Variants in MAP3K2 observed in about 807,000 individuals in gnomAD.
MAP3K2 encodes the protein mitogen-activated protein kinase kinase kinase 2, also known as MAP/ERK kinase kinase 2.
In MAP3K2, 24 loss-of-function variants were observed where a neutral mutation model predicts 80.3. The observed-to-expected ratio is 0.30, with a 90% confidence interval of 0.22 to 0.42. The LOEUF (loss-of-function observed/expected upper bound fraction) is 0.42. Among genes scored for constraint, MAP3K2 ranks in the 10% least tolerant of loss-of-function variants. MAP3K2 has a pLI of 1.00. For missense variants in MAP3K2, 608 were observed against 750.1 expected, an observed-to-expected ratio of 0.81 and a Z score of 2.21; for synonymous variants, 244 against 253.7, an observed-to-expected ratio of 0.96 and a Z score of 0.36.
intron 5 of MAP3K2, among the ~76,000 whole-genome samples, chr2:127,335,360 C>T (rs983663718): frequency 2.0e-5 from 3 of 152,156 alleles, no homozygotes; most frequent in African/African-American, 7.2e-5. Flanking sequence ...GAATCCAATC[C>T]TAAGTTTACA....
At chr2:127,337,060 T>C (rs1176809849) in intron 4 of MAP3K2, among the ~76,000 whole-genome samples, 2 of 152,080 alleles carry the variant, frequency 1.3e-5, no homozygotes, top group Non-Finnish European at 2.9e-5. Flanking sequence ...GAGAATTGCT[T>C]GAACCCGGGA....
At chr2:127,344,031 T>C (rs1344346583) in intron 1 of MAP3K2, among the ~76,000 whole-genome samples, 3 of 152,014 alleles carry the variant, frequency 2.0e-5, no homozygotes, top group Admixed American at 6.6e-5. Context: ...AGTGTTTGTA[T>C]ACCATTGCAA....
In MAP3K2 at chr2:127,322,884, C is replaced by T. The variant is rs188051221; in HGVS notation, c.839-632G>A. 4.0e-5 allele frequency among the ~76,000 whole-genome samples: 6 copies of T among 151,670 alleles called. No homozygotes were observed. Among genetic ancestry groups the T allele is most frequent in the African/African-American group, 1.4e-4 (6 of 41,424 alleles). On this transcript the variant is annotated intron_variant, in intron 11 of 16. Coordinates refer to ENST00000682094, the MANE Select transcript of MAP3K2 (RefSeq NM_001371910.2). This position sits in a 1 kb window ranked among gnomAD's most constrained non-coding sequence, Gnocchi z 4.2. Reference sequence around the variant, plus strand: ...TGCTGGGATTACAGGCATGAGCCACCGCACCTGGCCAGTAATTTTTTTTCT... The same window carrying T: ...TGCTGGGATTACAGGCATGAGCCACTGCACCTGGCCAGTAATTTTTTTTCT...
intron 15 of MAP3K2, among the ~76,000 whole-genome samples, chr2:127,311,574 G>A (rs1320141385): frequency 6.6e-6 from 1 of 152,050 alleles, no homozygotes; most frequent in African/African-American, 2.4e-5. Context: ...AGCAGCATGC[G>A]CAGCCATCAC....
In MAP3K2 at chr2:127,350,454, CAAAAA is replaced by C. The variant is rs752516255; in HGVS notation, c.-65-7265_-65-7261del. 7.3e-4 allele frequency among the ~76,000 whole-genome samples: 73 copies of C among 99,404 alleles called. 2 individuals are homozygous for C. The East Asian group carries it at 0.013, about 17-fold the overall frequency. 65.2% of individuals were successfully genotyped at this position (99,404 alleles called of 152,430 possible). A position where few individuals can be genotyped will look rare whatever the true frequency, so the allele number is the denominator to read the frequency against. On this transcript the variant is annotated intron_variant, in intron 1 of 16. Coordinates refer to ENST00000682094, the MANE Select transcript of MAP3K2 (RefSeq NM_001371910.2). Reference sequence around the variant, plus strand: ...CCATCTCCTGAAACAAAAACAAAAACAAAAAAAAAAAAAAAAAGAAAGAAGAAAAC... The same window carrying C: ...CCATCTCCTGAAACAAAAACAAAAACAAAAAAAAAAAAGAAAGAAGAAAAC...
chr2:127,360,598 CAA>C (rs1270210485), intron 1 of MAP3K2, among the ~76,000 whole-genome samples: 4 of 152,126 alleles, frequency 2.6e-5, no homozygotes, highest in Non-Finnish European at 4.4e-5. Flanking sequence ...TTAATTATCT[CAA>C]GTTATTTTAC....
Position 127,326,668 on chromosome 2 carries a change from A to G in MAP3K2, c.597+19T>C, listed in dbSNP as rs1232724439. 13 of 1,526,942 alleles carry G rather than the reference A, an allele frequency of 8.5e-6. No homozygotes were observed. The highest frequency in any genetic ancestry group is 1.1e-5 in the Non-Finnish European group (13 of 1,137,262). 94.6% of individuals were successfully genotyped at this position (1,526,942 alleles called of 1,614,324 possible). A position where few individuals can be genotyped will look rare whatever the true frequency, so the allele number is the denominator to read the frequency against. ...AACATCTCTTTAAATTAAATTTAAA[A>G]AATCAAACTTTTGCTTACTTGGTCC... On this transcript the variant is annotated intron_variant, in intron 8 of 16. Coordinates refer to ENST00000682094, the MANE Select transcript of MAP3K2 (RefSeq NM_001371910.2).
chr2:127,308,744 T>A lies in MAP3K2; in HGVS notation c.1475A>T (p.Asp492Val). The change falls in exon 16 of 17, where the codon GAT becomes GTT. Residue 492 changes from aspartate to valine, a missense_variant. Asp to Val is a radical substitution (Grantham distance 152, BLOSUM62 -3). This residue lies in a region of MAP3K2 where 88 missense variants were observed against 132.4 expected (regional missense o/e 0.66). Transcript: ENST00000682094. Reference sequence around the variant, plus strand: ...TCCTAGTTTGACGTTGCCTGTTGAATCTCGCAGGATATTTGCGCCTAAAAA... The same window carrying A: ...TCCTAGTTTGACGTTGCCTGTTGAAACTCGCAGGATATTTGCGCCTAAAAA... Reference protein sequence around the residue: ...RDIKGANILRDSTGNVKLGDF... With the variant: ...RDIKGANILRVSTGNVKLGDF... 1 of 1,613,594 alleles carries A rather than the reference T, an allele frequency of 6.2e-7. No individual in the cohort carries two copies. The highest frequency in any genetic ancestry group is 2.2e-5 in the East Asian group (1 of 44,868).
chr2:127,338,925 T>C lies in MAP3K2; in HGVS notation c.123+7A>G. 1 of 1,551,996 alleles carries C rather than the reference T, an allele frequency of 6.4e-7. No individual in the cohort carries two copies. Among genetic ancestry groups the C allele is most frequent in the Non-Finnish European group, 8.8e-7 (1 of 1,137,474 alleles). ...ATTCATAAAAAAATACTTATTAAAA[T>C]AAATACCTGTTTTTTTGGTGATGAA... On this transcript the variant is annotated splice_region_variant and intron_variant, in intron 3 of 16. Coordinates refer to ENST00000682094, the MANE Select transcript of MAP3K2 (RefSeq NM_001371910.2).
intron 14 of MAP3K2, chr2:127,316,996 TAAAACAAA>T (rs1287238577): frequency 6.8e-6 from 1 of 147,976 alleles, no homozygotes; most frequent in Non-Finnish European, 1.5e-5. Flanking sequence ...ATAAAAAATT[TAAAACAAA>T]AAAACAAAAT....
At chr2:127,325,956 T>A (rs1055107638) in intron 8 of MAP3K2, 149 bp from the exon 9 acceptor site, 5 of 610,774 alleles carry the variant, frequency 8.2e-6, no homozygotes, top group South Asian at 4.1e-5. Flanking sequence ...ATACTGAGAG[T>A]TGTGCAACCC....
chr2:127,384,547 G>T (rs965541165), intron 1 of MAP3K2, among the ~76,000 whole-genome samples: 1 of 152,164 alleles, frequency 6.6e-6, no homozygotes, highest in Non-Finnish European at 1.5e-5. Context: ...AGGGGTTTAA[G>T]ACTTCAGTGG....
At position 127,339,134 on chromosome 2, in the gene MAP3K2, A is replaced by T. The variant is rs989891010; in HGVS notation, c.5-84T>A. Reference sequence around the variant, plus strand: ...TGTATAGACATCAAACACAAAATTTAAAATAAAATTTGATGTAGAGAATGT... The same window carrying T: ...TGTATAGACATCAAACACAAAATTTTAAATAAAATTTGATGTAGAGAATGT... On this transcript the variant is annotated intron_variant, in intron 2 of 16. Coordinates refer to ENST00000682094, the MANE Select transcript of MAP3K2 (RefSeq NM_001371910.2). The surrounding 1 kb of genome is among the most constrained non-coding windows in gnomAD (Gnocchi z 4.2). 7.8e-5 allele frequency: 63 copies of T among 807,762 alleles called. No homozygotes were observed. Among genetic ancestry groups the T allele is most frequent in the Non-Finnish European group, 1.2e-4 (60 of 506,760 alleles). The allele number at this position is 807,762 out of a possible 1,614,324, so 50.0% of individuals were successfully genotyped here.
At position 127,317,677 on chromosome 2, in the gene MAP3K2, C is replaced by T; in HGVS notation, c.1278G>A (p.Arg426=). 2 of 1,590,790 alleles carry T rather than the reference C, an allele frequency of 1.3e-6. No homozygotes were observed. The highest frequency in any genetic ancestry group is 1.7e-6 in the Non-Finnish European group (2 of 1,167,340). The change falls in exon 14 of 17, where the codon AGG becomes AGA. Residue 426 remains arginine (R), a synonymous_variant. Transcript: ENST00000682094. The part of the protein sequence containing the change: ...ERIVQYYGCL[R]DPQEKTLSIF... ...TGGAAAGTGTTTTTTCCTGGGGATCCCTCAAACAGCCATAATACTGAACAA... is the reference window on the plus strand; with the variant it reads ...TGGAAAGTGTTTTTTCCTGGGGATCTCTCAAACAGCCATAATACTGAACAA...
At position 127,339,072 on chromosome 2, in the gene MAP3K2, C is replaced by A. The variant is rs1260237720; in HGVS notation, c.5-22G>T. On this transcript the variant is annotated intron_variant, in intron 2 of 16. Coordinates refer to ENST00000682094, the MANE Select transcript of MAP3K2 (RefSeq NM_001371910.2). The surrounding 1 kb of genome is among the most constrained non-coding windows in gnomAD (Gnocchi z 4.2). Reference sequence around the variant, plus strand: ...TCATCTAGGTAGTTTTGAAACAACACATACATAGAATTGTAATTGTGACAT... The same window carrying A: ...TCATCTAGGTAGTTTTGAAACAACAAATACATAGAATTGTAATTGTGACAT... 1 of 1,392,992 alleles carries A rather than the reference C, an allele frequency of 7.2e-7. No homozygotes were observed. Among genetic ancestry groups the A allele is most frequent in the Admixed American group, 1.8e-5 (1 of 55,360 alleles). 86.3% of individuals were successfully genotyped at this position (1,392,992 alleles called of 1,614,324 possible).
Position 127,329,911 on chromosome 2 carries a change from A to T in MAP3K2, c.466+10T>A. On this transcript the variant is annotated intron_variant, in intron 7 of 16. Transcript: ENST00000682094. ...TCATTCATTTCATAATTCAGACACT[A>T]GTTTCTTACCTATTATAGATAGCCG... The T allele has an allele frequency of 6.8e-7, 1 of 1,461,866 alleles. No individual in the cohort carries two copies. Among genetic ancestry groups the T allele is most frequent in the Non-Finnish European group, 9.6e-7 (1 of 1,043,828 alleles). 90.6% of individuals were successfully genotyped at this position (1,461,866 alleles called of 1,614,324 possible). A position where few individuals can be genotyped will look rare whatever the true frequency, so the allele number is the denominator to read the frequency against.
chr2:127,353,193 C>T (rs1330599384), intron 1 of MAP3K2, among the ~76,000 whole-genome samples: 1 of 151,518 alleles, frequency 6.6e-6, no homozygotes, highest in African/African-American at 2.4e-5. Context: ...CTCTGCCTGG[C>T]TGCCCAGTCT....
In MAP3K2 at chr2:127,301,055, T is replaced by A. The variant is rs1039014978; in HGVS notation, c.*6524A>T. 9 of 152,222 alleles carry A rather than the reference T, an allele frequency of 5.9e-5. No homozygotes were observed. The highest frequency in any genetic ancestry group is 2.2e-4 in the African/African-American group (9 of 41,444). The allele number at this position is 152,222 out of a possible 1,614,324, so 9.4% of individuals were successfully genotyped here. ...TCGGTATGGTCATGAACTTTACTGT[T>A]CTCAACTGCATTAAGGGATTCTCAA... On this transcript the variant is annotated 3_prime_UTR_variant, in exon 17 of 17. Transcript: ENST00000682094.
chr2:127,311,901 T>C (rs995095767), intron 15 of MAP3K2, among the ~76,000 whole-genome samples: 4 of 152,236 alleles, frequency 2.6e-5, no homozygotes, highest in African/African-American at 9.6e-5. Context: ...CTTTTTTCTT[T>C]GCAACTTATG....
Sources: gnomAD v4.1 joint callset for allele counts (sites outside exome capture counted in the v4.1 genomes callset) on GRCh38, gnomAD v4.1.1 for gene constraint, gnomAD v4.1.1 regional missense constraint, Gnocchi (gnomAD v3.1) non-coding constraint, MANE v1.5 for transcripts, NCBI Gene and HGNC (gene_info 2026-07-23, HGNC 2026-07-21) for gene names.